Variants in GRID2 observed in about 807,000 individuals in gnomAD.
GRID2 encodes glutamate receptor ionotropic, delta-2.
A neutral mutation model predicts 114.8 loss-of-function variants in GRID2; 33 were observed. The observed-to-expected ratio is 0.29, with a 90% CI of 0.22 to 0.38. The LOEUF (loss-of-function observed/expected upper bound fraction) is 0.38, where lower values mean the gene tolerates loss of function less well. Ranked by LOEUF, GRID2 falls within the 10% of genes least tolerant of loss-of-function variation. GRID2 has a pLI of 1.00. For synonymous variants in GRID2, 505 were observed against 449.9 expected (o/e 1.12, Z -1.55); for missense variants, 1,184 against 1,257.7 (o/e 0.94, Z 0.89).
intron 2 of GRID2, among the ~76,000 whole-genome samples, chr4:93,082,337 G>T (rs909344010): frequency 6.6e-6 from 1 of 152,160 alleles, no homozygotes; most frequent in Non-Finnish European, 1.5e-5. Context: ...AGACTCCATT[G>T]TTTGCTTGTT....
chr4:92,822,614 G>T (rs1048024982), intron 2 of GRID2: 2 of 224,212 alleles, frequency 8.9e-6, no homozygotes, highest in Admixed American at 5.8e-5. Context: ...ACACGTCCTT[G>T]GTATGGCCTA....
At chr4:93,257,403 T>C (rs1749716122) in intron 8 of GRID2, among the ~76,000 whole-genome samples, 1 of 151,678 alleles carries the variant, frequency 6.6e-6, no homozygotes, top group Admixed American at 6.6e-5. Context: ...CAGTAGAAAA[T>C]GAAAACCAAA....
intron 2 of GRID2, among the ~76,000 whole-genome samples, chr4:92,625,018 A>T (rs539929651): frequency 2.2e-4 from 33 of 151,876 alleles, no homozygotes; most frequent in African/African-American, 6.5e-4. Context: ...ATACCTTTTT[A>T]GAGTAATTCA....
intron 1 of GRID2, among the ~76,000 whole-genome samples, chr4:92,496,040 T>C (rs749225602): frequency 6.6e-6 from 1 of 151,908 alleles, no homozygotes; most frequent in Non-Finnish European, 1.5e-5. Flanking sequence ...AAAACTACTA[T>C]TCCTTTAGCA....
chr4:93,297,886 A>G (rs1436174174), intron 8 of GRID2, among the ~76,000 whole-genome samples: 2 of 152,214 alleles, frequency 1.3e-5, no homozygotes, highest in Non-Finnish European at 2.9e-5. Flanking sequence ...GATGGAGCAT[A>G]CATAGGAAGT....
At chr4:93,633,069 G>T (rs115195804) in intron 14 of GRID2, among the ~76,000 whole-genome samples, 5,451 of 151,890 alleles carry the variant, frequency 0.036, 323 homozygotes, top group African/African-American at 0.12. Flanking sequence ...CTCTACACAT[G>T]CATGCATGCA....
chr4:92,903,021 C>T (rs1039780506), intron 2 of GRID2, among the ~76,000 whole-genome samples: 12 of 151,784 alleles, frequency 7.9e-5, no homozygotes, highest in East Asian at 1.9e-4. Flanking sequence ...TGCTTAGGAT[C>T]GCTTCGGTTA....
At chr4:93,604,943 T>C (rs914079203) in intron 13 of GRID2, among the ~76,000 whole-genome samples, 1 of 152,220 alleles carries the variant, frequency 6.6e-6, no homozygotes, top group Admixed American at 6.5e-5. Flanking sequence ...CAAAAAGTCA[T>C]GTGATTCACT....
At chr4:92,693,289 A>C (rs1734267945) in intron 2 of GRID2, among the ~76,000 whole-genome samples, 1 of 152,134 alleles carries the variant, frequency 6.6e-6, no homozygotes, top group South Asian at 2.1e-4. Context: ...ACTTGAAAAT[A>C]AAATTTATAA....
At chr4:93,768,418 A>G (rs899553539) in intron 14 of GRID2, among the ~76,000 whole-genome samples, 1 of 152,166 alleles carries the variant, frequency 6.6e-6, no homozygotes, top group African/African-American at 2.4e-5. Flanking sequence ...TCTATGAAAA[A>G]CACACTTTAA....
At chr4:92,632,116 TA>T (rs1730836619) in intron 2 of GRID2, among the ~76,000 whole-genome samples, 2 of 152,208 alleles carry the variant, frequency 1.3e-5, no homozygotes, top group African/African-American at 4.8e-5. Context: ...AAAGGTCATT[TA>T]AATTTGAAGA....
At chr4:93,322,974 A>C (rs1175826043) in intron 8 of GRID2, among the ~76,000 whole-genome samples, 1 of 151,950 alleles carries the variant, frequency 6.6e-6, no homozygotes, top group Non-Finnish European at 1.5e-5. Flanking sequence ...AGACTGCAAA[A>C]ATTTTCTCCT....
chr4:92,564,651 G>A (rs1036550093), intron 1 of GRID2, among the ~76,000 whole-genome samples: 1 of 151,876 alleles, frequency 6.6e-6, no homozygotes, highest in Non-Finnish European at 1.5e-5. Context: ...AGAATCTCAA[G>A]TGCTCTCTTC....
chr4:93,217,630 A>G (rs1007646873), intron 6 of GRID2, among the ~76,000 whole-genome samples: 1 of 151,982 alleles, frequency 6.6e-6, no homozygotes, highest in African/African-American at 2.4e-5. Context: ...GCAGGCACAC[A>G]GGACAACAGC....
chr4:93,315,376 T>A (rs1235211366), intron 8 of GRID2, among the ~76,000 whole-genome samples: 1 of 152,164 alleles, frequency 6.6e-6, no homozygotes. Flanking sequence ...AAAGTTTATA[T>A]GCTTCGACCA....
intron 2 of GRID2, among the ~76,000 whole-genome samples, chr4:93,031,341 G>A (rs1343050708): frequency 1.3e-5 from 2 of 152,062 alleles, no homozygotes; most frequent in African/African-American, 2.4e-5. Flanking sequence ...ACCGTGCCCG[G>A]CCGTATCATC....
chr4:93,148,096 G>A lies in GRID2; in HGVS notation c.735+37143G>A, dbSNP rs1736417944. Among the ~76,000 whole-genome samples the A allele has an allele frequency of 2.0e-5, 3 of 152,162 alleles. No homozygotes were observed. The South Asian group carries it at 6.2e-4, about 32-fold the overall frequency. ...TGTGACAAAATTGAATAATATGGAA[G>A]GATAGAAGCCATGATGTGTGGCATA... is the stretch of plus-strand genomic sequence containing the variant. On this transcript the variant is annotated intron_variant, in intron 4 of 15. Transcript: ENST00000282020.
chr4:92,390,122 T>C lies in GRID2; in HGVS notation c.88+85378T>C, dbSNP rs1356836706. 3.9e-5 allele frequency among the ~76,000 whole-genome samples: 6 copies of C among 152,118 alleles called. No individual in the cohort carries two copies. In the East Asian group the frequency reaches 1.2e-3, roughly 29 times the overall value. On this transcript the variant is annotated intron_variant, in intron 1 of 15. Transcript: ENST00000282020. ...GGATAAATTTGATTTGACTACAGCA[T>C]GACTGTTTAGCTAGATTCTGAATTT...
At chr4:92,894,594 C>T (rs1747025528) in intron 2 of GRID2, among the ~76,000 whole-genome samples, 1 of 152,008 alleles carries the variant, frequency 6.6e-6, no homozygotes, top group Non-Finnish European at 1.5e-5. Context: ...AGATTTTAGG[C>T]AAAAACAGGT....
Sources: gnomAD v4.1 joint callset for allele counts (sites outside exome capture counted in the v4.1 genomes callset) on GRCh38, gnomAD v4.1.1 for gene constraint, MANE v1.5 for transcripts, NCBI Gene and HGNC (gene_info 2026-07-23, HGNC 2026-07-21) for gene names.